Variants in UNC5B observed in about 807,000 individuals in gnomAD.
The protein encoded by UNC5B is netrin receptor UNC5B.
Under a neutral mutation model 103.7 loss-of-function variants are expected in UNC5B, and 56 were observed. That is an observed-to-expected ratio of 0.54 (90% CI 0.44 to 0.67). UNC5B has a LOEUF of 0.67. Among genes scored for constraint, UNC5B ranks in the 30% least tolerant of loss-of-function variants. The pLI is 0.00. For missense variants in UNC5B, 1,194 were observed against 1,284.5 expected (o/e 0.93, Z 1.08); for synonymous variants, 577 against 542.0 (o/e 1.06, Z -0.90).
intron 1 of UNC5B, among the ~76,000 whole-genome samples, chr10:71,278,785 C>A (rs1193945978): frequency 6.6e-6 from 1 of 152,256 alleles, no homozygotes; most frequent in Non-Finnish European, 1.5e-5. Context: ...CGCCACCCCA[C>A]AGCTTCATTC....
At chr10:71,279,648 G>A (rs991830877) in intron 1 of UNC5B, among the ~76,000 whole-genome samples, 173 bp from the exon 2 acceptor site, 1 of 152,326 alleles carries the variant, frequency 6.6e-6, no homozygotes, top group East Asian at 1.9e-4. Context: ...AACTGAGGCC[G>A]CAGGAGTGCC....
intron 1 of UNC5B, among the ~76,000 whole-genome samples, chr10:71,232,235 A>G (rs1350390371): frequency 6.6e-6 from 1 of 152,244 alleles, no homozygotes; most frequent in East Asian, 1.9e-4. Context: ...CTGGCAAGCC[A>G]GCTGAGCTGT....
In UNC5B at chr10:71,290,986, C is replaced by G; in HGVS notation, c.1171C>G (p.Leu391Val). The change falls in exon 9 of 17, where the codon CTC (leucine) becomes GTC (valine). Residue 391 changes from leucine (L) to valine (V), a missense_variant. Physicochemically the swap from Leu to Val is conservative, Grantham distance 32. Transcript: ENST00000335350. Reference protein sequence around the residue: ...VVAIFVVVAILMAVGVVVYRR... With the variant: ...VVAIFVVVAIVMAVGVVVYRR... The stretch of plus-strand genomic sequence containing the variant: ...GGCCATCTTCGTGGTCGTGGCAATC[C>G]TCATGGCGGTGGGGGTGGTGGTGTA... 1 of 1,614,098 alleles carries G rather than the reference C, an allele frequency of 6.2e-7. No individual in the cohort carries two copies. The highest frequency in any genetic ancestry group is 8.5e-7 in the Non-Finnish European group (1 of 1,180,024).
intron 1 of UNC5B, among the ~76,000 whole-genome samples, chr10:71,261,567 A>G (rs1419054510): frequency 6.6e-6 from 1 of 152,200 alleles, no homozygotes; most frequent in African/African-American, 2.4e-5. Context: ...TTTCAAAGGG[A>G]GAGAAGGACT....
chr10:71,299,326 G>C lies in UNC5B; in HGVS notation c.*49G>C. The C allele has an allele frequency of 6.2e-7, 1 of 1,603,690 alleles. No individual in the cohort carries two copies. Among genetic ancestry groups the C allele is most frequent in the South Asian group, 1.1e-5 (1 of 90,116 alleles). On this transcript the variant is annotated 3_prime_UTR_variant, in exon 17 of 17. Coordinates refer to ENST00000335350, the MANE Select transcript of UNC5B (RefSeq NM_170744.5). ...AGGGACTGGCAGGAGGCAGGTGCAG[G>C]GAGGCCTGGGGCAGCCTCCTGATGG...
intron 2 of UNC5B, among the ~76,000 whole-genome samples, chr10:71,282,112 A>G (rs11594870): frequency 0.24 from 36,470 of 152,252 alleles, 5,352 homozygotes; most frequent in African/African-American, 0.41. Context: ...AGGCCCTGCC[A>G]GCCCTAGAAA....
chr10:71,224,490 A>C (rs1843522587), intron 1 of UNC5B, among the ~76,000 whole-genome samples: 1 of 152,134 alleles, frequency 6.6e-6, no homozygotes, highest in African/African-American at 2.4e-5. Flanking sequence ...TTTGGAAATA[A>C]AAAACTGGAT....
intron 1 of UNC5B, among the ~76,000 whole-genome samples, chr10:71,227,987 A>T (rs1229402743): frequency 6.6e-6 from 1 of 152,220 alleles, no homozygotes; most frequent in African/African-American, 2.4e-5. Context: ...TAATTAAAAC[A>T]GTGTGCTTAC....
chr10:71,296,142 C>G (rs1845406353), intron 14 of UNC5B, among the ~76,000 whole-genome samples, 182 bp downstream of exon 14: 1 of 152,214 alleles, frequency 6.6e-6, no homozygotes, highest in African/African-American at 2.4e-5. Flanking sequence ...GGCACGTCCC[C>G]AAATTCAGGG....
At chr10:71,228,938 C>T (rs1445626853) in intron 1 of UNC5B, among the ~76,000 whole-genome samples, 3 of 152,204 alleles carry the variant, frequency 2.0e-5, no homozygotes, top group South Asian at 2.1e-4. Context: ...ACTCCAGATT[C>T]GGTGCTCCTT....
At chr10:71,296,542 C>A (rs763856912) in intron 14 of UNC5B, 36 bp from the exon 15 acceptor site, 1 of 1,608,428 alleles carries the variant, frequency 6.2e-7, no homozygotes, top group Non-Finnish European at 8.5e-7. Context: ...GGCAGGCTGG[C>A]CTTGCCTGCC....
rs902642954 is a variant in UNC5B, at chr10:71,302,391, C to T, written c.*3114C>T. The stretch of plus-strand genomic sequence containing the variant: ...CGTGTGTGTGTGCTCCTCTGCGTCC[C>T]AGGTTTGGACGTCTAGGGTTTGGTG... On this transcript the variant is annotated 3_prime_UTR_variant, in exon 17 of 17. Coordinates refer to ENST00000335350, the MANE Select transcript of UNC5B (RefSeq NM_170744.5). 1.3e-5 allele frequency: 2 copies of T among 152,250 alleles called. No individual in the cohort carries two copies. Among genetic ancestry groups the T allele is most frequent in the Non-Finnish European group, 2.9e-5 (2 of 68,094 alleles). The allele number at this position is 152,250 out of a possible 1,614,324, so 9.4% of individuals were successfully genotyped here.
At chr10:71,262,322 G>A (rs1844432387) in intron 1 of UNC5B, among the ~76,000 whole-genome samples, 1 of 151,924 alleles carries the variant, frequency 6.6e-6, no homozygotes, top group African/African-American at 2.4e-5. Flanking sequence ...AGTGGGTTGG[G>A]GGAGGGAGAC....
At chr10:71,288,365 G>A (rs1165096241) in intron 6 of UNC5B, among the ~76,000 whole-genome samples, 1 of 152,192 alleles carries the variant, frequency 6.6e-6, no homozygotes, top group East Asian at 1.9e-4. Flanking sequence ...CACCTGCCAG[G>A]TGCATCTGGC....
intron 1 of UNC5B, among the ~76,000 whole-genome samples, chr10:71,261,782 T>C (rs1844420919): frequency 6.6e-6 from 1 of 152,194 alleles, no homozygotes; most frequent in Non-Finnish European, 1.5e-5. Context: ...CAAGTTATTT[T>C]AAGCACTGAA....
chr10:71,267,063 G>A (rs559007866), intron 1 of UNC5B, among the ~76,000 whole-genome samples: 5 of 152,186 alleles, frequency 3.3e-5, no homozygotes, highest in East Asian at 3.9e-4. Context: ...AGGCATCCAC[G>A]GGGGGTCTTG....
chr10:71,285,290 C>T lies in UNC5B; in HGVS notation c.449-36C>T, dbSNP rs777727449. On this transcript the variant is annotated intron_variant, in intron 3 of 16. Transcript: ENST00000335350. ...GCACATCAGGTTCTGATCCTGCCCG[C>T]ACCTGACTGCCTTGGGACCCTCTCG... The T allele has an allele frequency of 3.8e-6, 6 of 1,570,058 alleles. No individual in the cohort carries two copies. The East Asian group carries it at 1.2e-4, about 30-fold the overall frequency.
At chr10:71,229,975 G>A (rs1294540086) in intron 1 of UNC5B, among the ~76,000 whole-genome samples, 3 of 152,118 alleles carry the variant, frequency 2.0e-5, no homozygotes, top group Non-Finnish European at 2.9e-5. Flanking sequence ...AGAGCCCCAC[G>A]AAGTCATCAG....
intron 1 of UNC5B, among the ~76,000 whole-genome samples, chr10:71,269,268 G>A (rs1396842517): frequency 6.6e-6 from 1 of 151,202 alleles, no homozygotes; most frequent in African/African-American, 2.4e-5. Flanking sequence ...TGTTTACAGT[G>A]AGGCTACTAC....
Sources: allele counts gnomAD v4.1 joint callset (sites outside exome capture counted in the v4.1 genomes callset), GRCh38; gene constraint gnomAD v4.1.1; transcripts MANE v1.5; gene names NCBI Gene and HGNC (gene_info 2026-07-23, HGNC 2026-07-21).